Variants in MPV17L2 observed in about 807,000 individuals in gnomAD.
The protein encoded by MPV17L2 is mpv17-like protein 2.
MPV17L2 carries 25 observed loss-of-function variants against 24.2 expected under a neutral mutation model. That is an observed-to-expected ratio of 1.03 (90% CI 0.75 to 1.44). The LOEUF is 1.44. MPV17L2 is among the 40% of genes most tolerant of loss of function. The pLI is 0.00. For missense variants in MPV17L2, 271 were observed against 276.2 expected (o/e 0.98, Z 0.13); for synonymous variants, 130 against 121.4 (o/e 1.07, Z -0.46).
At chr19:18,195,111 A>ACCCAGGGGACTC in intron 4 of MPV17L2, 25 bp downstream of exon 4, 1 of 1,609,912 alleles carries the variant, frequency 6.2e-7, no homozygotes, top group Non-Finnish European at 8.5e-7. Context: ...CATACCAGGC[A>ACCCAGGGGACTC]CCCAGGGGAC....
In MPV17L2 at chr19:18,196,440, C is replaced by T. The variant is rs756069109; in HGVS notation, c.*385C>T. On this transcript the variant is annotated 3_prime_UTR_variant, in exon 5 of 5. Coordinates refer to ENST00000599612, the MANE Select transcript of MPV17L2 (RefSeq NM_032683.3). The stretch of plus-strand genomic sequence containing the variant: ...GCTCCCTCAGGTCCTGGGACTAAGG[C>T]GGGGACATGACTGATCCCCTCAGAG... 2.3e-6 allele frequency: 3 copies of T among 1,301,582 alleles called. No individual in the cohort carries two copies. The highest frequency in any genetic ancestry group is 2.1e-4 in the Middle Eastern group (1 of 4,758). 80.6% of individuals were successfully genotyped at this position (1,301,582 alleles called of 1,614,324 possible).
intron 1 of MPV17L2, 83 bp downstream of exon 1, chr19:18,193,551 G>C: frequency 7.1e-7 from 1 of 1,414,594 alleles, no homozygotes. Flanking sequence ...CCCCTGACCC[G>C]TGGCCTCAGT....
At chr19:18,195,763 G>A (rs1161205837) in intron 4 of MPV17L2, among the ~76,000 whole-genome samples, 1 of 152,140 alleles carries the variant, frequency 6.6e-6, no homozygotes, top group Non-Finnish European at 1.5e-5. Context: ...CCTGAACCCG[G>A]GCAGCGAAGC....
chr19:18,196,947 AC>A (rs148340002), exon 5 of MPV17L2: 2 of 132,690 alleles, frequency 1.5e-5, no homozygotes, highest in African/African-American at 3.3e-5. Flanking sequence ...CCCACAGCAC[AC>A]CCCCCCACCA....
intron 1 of MPV17L2, 198 bp downstream of exon 1, chr19:18,193,666 C>T (rs1275053275): frequency 3.5e-6 from 5 of 1,429,900 alleles, no homozygotes; most frequent in Non-Finnish European, 3.6e-6. Flanking sequence ...CTGCCCACTA[C>T]CCAGGAGCCT....
At chr19:18,194,072 G>C in intron 2 of MPV17L2, 38 bp downstream of exon 2, 1 of 1,599,520 alleles carries the variant, frequency 6.3e-7, no homozygotes, top group African/African-American at 1.3e-5. Context: ...GCCTCTCATA[G>C]GTCGGGAGGG....
chr19:18,194,844 A>G lies in MPV17L2; in HGVS notation c.426A>G (p.Glu142=). ...AGGAGCTGCGGGAGAAGTTCTGGGA[A>G]TTCTACAAGGTGGGAGCACCCGCCC... The part of the protein sequence containing the change: ...SCQELREKFW[E]FYKADWCVWP... The change falls in exon 3 of 5, where the codon GAA becomes GAG. Residue 142 remains glutamate, a synonymous_variant. Coordinates refer to ENST00000599612, the MANE Select transcript of MPV17L2 (RefSeq NM_032683.3). 1.2e-6 allele frequency: 2 copies of G among 1,607,506 alleles called. No individual in the cohort carries two copies. The highest frequency in any genetic ancestry group is 8.5e-7 in the Non-Finnish European group (1 of 1,177,716).
chr19:18,193,251 C>G lies in MPV17L2; in HGVS notation c.-31C>G. On this transcript the variant is annotated 5_prime_UTR_variant, in exon 1 of 5. Transcript: ENST00000599612. ...ACTGGTCGGCGCGGCGAAAGCAGAGCGGCGCGCCGGTTCCTTGGTTCCTGA... is the reference window on the plus strand; with the variant it reads ...ACTGGTCGGCGCGGCGAAAGCAGAGGGGCGCGCCGGTTCCTTGGTTCCTGA... The G allele has an allele frequency of 6.9e-7, 1 of 1,450,828 alleles. No individual in the cohort carries two copies. The highest frequency in any genetic ancestry group is 9.0e-7 in the Non-Finnish European group (1 of 1,108,622). The allele number at this position is 1,450,828 out of a possible 1,614,324, so 89.9% of individuals were successfully genotyped here. A position where few individuals can be genotyped will look rare whatever the true frequency, so the allele number is the denominator to read the frequency against.
chr19:18,196,098 G>A lies in MPV17L2; in HGVS notation c.*43G>A. The A allele has an allele frequency of 6.2e-7, 1 of 1,613,646 alleles. No individual in the cohort carries two copies. The highest frequency in any genetic ancestry group is 8.5e-7 in the Non-Finnish European group (1 of 1,179,936). Reference sequence around the variant, plus strand: ...CCAGATGCAAGACTGTCTCCTGGCGGACCACCCCCTCTGACAGAAGGGGAA... The same window carrying A: ...CCAGATGCAAGACTGTCTCCTGGCGAACCACCCCCTCTGACAGAAGGGGAA... On this transcript the variant is annotated 3_prime_UTR_variant, in exon 5 of 5. Coordinates refer to ENST00000599612, the MANE Select transcript of MPV17L2 (RefSeq NM_032683.3).
chr19:18,193,432 G>C lies in MPV17L2; in HGVS notation c.151G>C (p.Ala51Pro), dbSNP rs1337044895. The C allele has an allele frequency of 2.6e-6, 4 of 1,547,778 alleles. No individual in the cohort carries two copies. The highest frequency in any genetic ancestry group is 3.5e-6 in the Non-Finnish European group (4 of 1,157,514). ...DGVRQSWEIRARPGQVFDPRR... is the reference protein window; with the variant it reads ...DGVRQSWEIRPRPGQVFDPRR... ...CGTGCGCCAGTCCTGGGAGATCCGC[G>C]CCCGGCCCGGCCAGGTTTTCGACCC... is the stretch of plus-strand genomic sequence containing the variant. Residue 51 changes from alanine to proline, a missense_variant, in exon 1 of 5, where the codon GCC (alanine) becomes CCC (proline). Transcript: ENST00000599612.
rs374496651 is a variant in MPV17L2 at position 18,193,921 on chromosome 19, C to T, written c.245C>T (p.Ser82Leu). ...MGPFLHYWYL[S>L]LDRLFPASGL... is the part of the protein sequence containing the mutation. ...CCCTTCCTGCACTACTGGTACTTGT[C>T]GCTGGACCGCCTATTCCCTGCGTCT... The change falls in exon 2 of 5, where the codon TCG becomes TTG. Residue 82 changes from serine (S) to leucine (L), a missense_variant. Ser to Leu is a moderately radical substitution (Grantham distance 145). Transcript: ENST00000599612. 1.8e-5 allele frequency: 29 copies of T among 1,614,194 alleles called. No individual in the cohort carries two copies. In the East Asian group the frequency reaches 2.5e-4, roughly 14 times the overall value.
chr19:18,194,736 TC>T (rs749786948), intron 2 of MPV17L2, 40 bp from the exon 3 acceptor site: 184 of 1,552,382 alleles, frequency 1.2e-4, no homozygotes, highest in Non-Finnish European at 7.0e-6. Context: ...CAACAGTACT[TC>T]CTGGCCTCTA....
At chr19:18,195,122 T>A in intron 4 of MPV17L2, 36 bp downstream of exon 4, 1 of 1,602,134 alleles carries the variant, frequency 6.2e-7, no homozygotes. Flanking sequence ...CCCAGGGGAC[T>A]CCCCAGGGGG....
At chr19:18,195,111 ACCCAGGGGACTC>A in intron 4 of MPV17L2, 25 bp downstream of exon 4, 1 of 1,609,912 alleles carries the variant, frequency 6.2e-7, no homozygotes, top group Non-Finnish European at 8.5e-7. Flanking sequence ...CATACCAGGC[ACCCAGGGGACTC>A]CCCAGGGGGC....
At position 18,196,570 on chromosome 19, in the gene MPV17L2, C is replaced by A; in HGVS notation, c.*515C>A. On this transcript the variant is annotated 3_prime_UTR_variant, in exon 5 of 5. Coordinates refer to ENST00000599612, the MANE Select transcript of MPV17L2 (RefSeq NM_032683.3). Reference sequence around the variant, plus strand: ...CTGTGGAAATGCCATTAAACTCTCTCTATAATGTAACTGAAACTGCTGGCT... The same window carrying A: ...CTGTGGAAATGCCATTAAACTCTCTATATAATGTAACTGAAACTGCTGGCT... The A allele has an allele frequency of 3.2e-6, 2 of 632,434 alleles. No individual in the cohort carries two copies. Among genetic ancestry groups the A allele is most frequent in the East Asian group, 6.8e-5 (1 of 14,808 alleles). The allele number at this position is 632,434 out of a possible 1,614,324, so 39.2% of individuals were successfully genotyped here.
At chr19:18,195,923 C>G in intron 4 of MPV17L2, 76 bp from the exon 5 acceptor site, 4 of 1,459,980 alleles carry the variant, frequency 2.7e-6, no homozygotes, top group Non-Finnish European at 3.8e-6. Context: ...GGGCTGACCT[C>G]TGGCCCAAGG....
At chr19:18,194,374 T>C (rs891859905) in intron 2 of MPV17L2, among the ~76,000 whole-genome samples, 2 of 152,018 alleles carry the variant, frequency 1.3e-5, no homozygotes, top group Admixed American at 6.6e-5. Context: ...GGAAGAGAAA[T>C]TGAGGCTAGA....
intron 4 of MPV17L2, 142 bp from the exon 5 acceptor site, chr19:18,195,857 C>A: frequency 2.7e-6 from 2 of 753,402 alleles, no homozygotes; most frequent in Non-Finnish European, 4.4e-6. Context: ...AAAGACCCAA[C>A]CCTTCTCTGC....
chr19:18,195,055 G>A lies in MPV17L2; in HGVS notation c.533G>A (p.Trp178Ter), dbSNP rs776292304. The change falls in exon 4 of 5, where the codon TGG (tryptophan) becomes TAG (stop). Residue 178 changes from tryptophan to a stop codon, truncating the protein, a stop_gained. Coordinates refer to ENST00000599612, the MANE Select transcript of MPV17L2 (RefSeq NM_032683.3). LOFTEE classifies it high-confidence loss of function. ...VTYINGLTLG[W>*]DTYLSYLKYR... Reference sequence around the variant, plus strand: ...TACATCAACGGCCTGACGCTGGGCTGGGACACGTACCTGTCCTACTTGAAG... The same window carrying A: ...TACATCAACGGCCTGACGCTGGGCTAGGACACGTACCTGTCCTACTTGAAG... 1 of 1,614,174 alleles carries A rather than the reference G, an allele frequency of 6.2e-7. No homozygotes were observed. The highest frequency in any genetic ancestry group is 8.5e-7 in the Non-Finnish European group (1 of 1,180,018).
Sources: allele counts gnomAD v4.1 joint callset (sites outside exome capture counted in the v4.1 genomes callset), GRCh38; gene constraint gnomAD v4.1.1; transcripts MANE v1.5; gene names NCBI Gene and HGNC (gene_info 2026-07-23, HGNC 2026-07-21).